TRPC3: variants seen among roughly 807,000 people sequenced by gnomAD.
TRPC3 encodes the protein transient receptor potential cation channel subfamily C member 3.
TRPC3 carries 54 observed loss-of-function variants against 90.9 expected under a neutral mutation model. The ratio of observed to expected loss-of-function variants is 0.59; its 90% CI spans 0.48 to 0.75. The LOEUF is 0.75. Among genes scored for constraint, TRPC3 ranks in the 30% least tolerant of loss-of-function variants. TRPC3 has a pLI of 0.00. For missense variants in TRPC3, 918 were observed against 1,194.5 expected, an observed-to-expected ratio of 0.77 and a Z score of 3.41; for synonymous variants, 424 against 450.9, an observed-to-expected ratio of 0.94 and a Z score of 0.75.
intron 1 of TRPC3, among the ~76,000 whole-genome samples, chr4:121,933,788 T>C (rs979375700): frequency 4.6e-5 from 7 of 152,122 alleles, no homozygotes; most frequent in African/African-American, 1.7e-4. Flanking sequence ...CTCCACCTTA[T>C]GCGTTTCTCT....
At chr4:121,923,846 C>T (rs748459125) in intron 3 of TRPC3, among the ~76,000 whole-genome samples, 2 of 152,170 alleles carry the variant, frequency 1.3e-5, no homozygotes, top group Non-Finnish European at 1.5e-5. Flanking sequence ...TGACCAACTT[C>T]ATAAAACCAG....
At chr4:121,923,100 CAG>C (rs10624887) in intron 3 of TRPC3, among the ~76,000 whole-genome samples, 21 of 150,636 alleles carry the variant, frequency 1.4e-4, no homozygotes, top group Admixed American at 2.0e-4. Context: ...GAAAGAGACA[CAG>C]AGAGAGAGAG....
At chr4:121,890,176 G>A (rs1728274859) in intron 10 of TRPC3, among the ~76,000 whole-genome samples, 2 of 152,170 alleles carry the variant, frequency 1.3e-5, no homozygotes, top group South Asian at 2.1e-4. Flanking sequence ...CAGGGGGAAT[G>A]GGAAGTAGGG....
At chr4:121,949,608 C>T (rs1286735514) in intron 1 of TRPC3, among the ~76,000 whole-genome samples, 8 of 152,090 alleles carry the variant, frequency 5.3e-5, no homozygotes, top group African/African-American at 1.7e-4. Flanking sequence ...AGCTAGTCTC[C>T]GATGTTACCA....
intron 1 of TRPC3, among the ~76,000 whole-genome samples, chr4:121,942,822 T>C (rs75855747): frequency 2.0e-5 from 3 of 152,188 alleles, no homozygotes; most frequent in African/African-American, 4.8e-5. Flanking sequence ...AAAAGTACAC[T>C]GGAGCAGAAG....
intron 10 of TRPC3, among the ~76,000 whole-genome samples, chr4:121,890,040 T>C (rs998869805): frequency 1.3e-5 from 2 of 152,172 alleles, no homozygotes; most frequent in African/African-American, 2.4e-5. Flanking sequence ...GAGGACATAA[T>C]GTTAAATGAA....
At chr4:121,914,565 T>C (rs1224413871) in intron 4 of TRPC3, among the ~76,000 whole-genome samples, 9 of 151,668 alleles carry the variant, frequency 5.9e-5, no homozygotes, top group Admixed American at 6.5e-5. Flanking sequence ...CTAAGTACTT[T>C]ATGCCTGCAA....
At chr4:121,906,933 T>C (rs188275457) in intron 7 of TRPC3, among the ~76,000 whole-genome samples, 5 of 152,236 alleles carry the variant, frequency 3.3e-5, no homozygotes. Context: ...TCAATGAATA[T>C]ATTAAAATAA....
intron 11 of TRPC3, among the ~76,000 whole-genome samples, chr4:121,881,182 C>A (rs1353600533): frequency 1.3e-5 from 2 of 152,050 alleles, no homozygotes; most frequent in Admixed American, 1.3e-4. Context: ...TTTAATCTGC[C>A]AATTCAGGAA....
rs908363479 is a variant in TRPC3, at chr4:121,951,836, G to T, written c.-156C>A. On this transcript the variant is annotated 5_prime_UTR_variant, in exon 1 of 12. Transcript: ENST00000379645. This position sits in a 1 kb window ranked among gnomAD's most constrained non-coding sequence, Gnocchi z 4.4. ...GAAGGCAGGAGCGGAGAGCGTCGCG[G>T]CCCGCGATCCAGCAGTTAGAGGCTA... The T allele has an allele frequency of 4.0e-6, 2 of 495,982 alleles. No homozygotes were observed. The highest frequency in any genetic ancestry group is 4.4e-5 in the Admixed American group (1 of 22,486). The allele number at this position is 495,982 out of a possible 1,614,324, so 30.7% of individuals were successfully genotyped here. A position where few individuals can be genotyped will look rare whatever the true frequency, so the allele number is the denominator to read the frequency against.
chr4:121,915,037 A>C, intron 3 of TRPC3, 93 bp from the exon 4 acceptor site: 1 of 1,062,596 alleles, frequency 9.4e-7, no homozygotes, highest in Non-Finnish European at 1.3e-6. Context: ...ATGCATCCTA[A>C]AGATATTAAA....
intron 1 of TRPC3, among the ~76,000 whole-genome samples, chr4:121,938,412 T>C (rs1730201375): frequency 6.6e-6 from 1 of 152,214 alleles, no homozygotes; most frequent in South Asian, 2.1e-4. Flanking sequence ...GCTTCTGCTT[T>C]GGAATGTTTC....
intron 3 of TRPC3, among the ~76,000 whole-genome samples, chr4:121,921,919 G>T (rs112190671): frequency 0.025 from 2,869 of 115,366 alleles, 74 homozygotes; most frequent in African/African-American, 0.081. Flanking sequence ...GTTTTTTTTT[G>T]TTTTTTTTTT....
At chr4:121,894,028 T>C (rs1728424518) in intron 10 of TRPC3, among the ~76,000 whole-genome samples, 1 of 152,106 alleles carries the variant, frequency 6.6e-6, no homozygotes, top group African/African-American at 2.4e-5. Context: ...AGTTTGATAA[T>C]AGCTAAAAAA....
chr4:121,909,722 C>T (rs1200704259), intron 6 of TRPC3, among the ~76,000 whole-genome samples: 2 of 152,104 alleles, frequency 1.3e-5, no homozygotes, highest in African/African-American at 2.4e-5. Flanking sequence ...GTTGAATTAC[C>T]GTTCACTTTG....
intron 6 of TRPC3, among the ~76,000 whole-genome samples, chr4:121,909,288 T>C (rs1729002652): frequency 6.6e-6 from 1 of 152,122 alleles, no homozygotes; most frequent in African/African-American, 2.4e-5. Flanking sequence ...ATGCTCCTTG[T>C]ACTCATCACA....
chr4:121,916,369 C>T (rs888867152), intron 3 of TRPC3, among the ~76,000 whole-genome samples: 3 of 152,290 alleles, frequency 2.0e-5, no homozygotes, highest in South Asian at 2.1e-4. Context: ...CAGCTGCCTC[C>T]GCATCACCAT....
At position 121,932,854 on chromosome 4, in the gene TRPC3, G is replaced by C. The variant is rs200343434; in HGVS notation, c.404C>G (p.Ser135Cys). Residue 135 changes from serine (S) to cysteine (C), a missense_variant, in exon 2 of 12, where the codon TCC (serine) becomes TGC (cysteine). Ser to Cys is a moderately radical substitution (Grantham distance 112). This residue lies in a region of TRPC3 where 609 missense variants were observed against 725.9 expected (regional missense o/e 0.84). Coordinates refer to ENST00000379645, the MANE Select transcript of TRPC3 (RefSeq NM_001130698.2). This position sits in a 1 kb window ranked among gnomAD's most constrained non-coding sequence, Gnocchi z 7.7. ...IPVVRKMLEE[S>C]KTLNVNCVDY... ...CACGCAGTTGACGTTCAGCGTCTTGGACTCCTCCAGCATCTTGCGCACCAC... is the reference window on the plus strand; with the variant it reads ...CACGCAGTTGACGTTCAGCGTCTTGCACTCCTCCAGCATCTTGCGCACCAC... 2 of 1,612,948 alleles carry C rather than the reference G, an allele frequency of 1.2e-6. No homozygotes were observed. The highest frequency in any genetic ancestry group is 2.2e-5 in the South Asian group (2 of 90,940).
chr4:121,924,906 C>T, intron 3 of TRPC3, 112 bp downstream of exon 3: 1 of 1,194,282 alleles, frequency 8.4e-7, no homozygotes. Flanking sequence ...ATTATGTTGC[C>T]CAGCCTACTA....
Sources: allele counts gnomAD v4.1 joint callset (sites outside exome capture counted in the v4.1 genomes callset), GRCh38; gene constraint gnomAD v4.1.1; regional missense constraint gnomAD v4.1.1; non-coding constraint Gnocchi (gnomAD v3.1); transcripts MANE v1.5; gene names NCBI Gene and HGNC (gene_info 2026-07-23, HGNC 2026-07-21).